The following SMOC1 variants were observed in gnomAD, a reference collection of about 807,000 sequenced individuals.
The protein encoded by SMOC1 is SPARC related modular calcium binding 1.
In SMOC1, 22 loss-of-function variants were observed where a neutral mutation model predicts 56.3. That is an observed-to-expected ratio of 0.39 (90% CI 0.28 to 0.56). The LOEUF is 0.56. Ranked by LOEUF, SMOC1 falls within the 20% of genes least tolerant of loss-of-function variation. SMOC1 has a pLI of 0.61. For synonymous variants in SMOC1, 193 were observed against 215.0 expected (o/e 0.90, Z 0.89); for missense variants, 509 against 565.4 (o/e 0.90, Z 1.01).
At chr14:69,975,870 G>C (rs1030347829) in intron 4 of SMOC1, 56 bp downstream of exon 4, 1 of 1,268,610 alleles carries the variant, frequency 7.9e-7, no homozygotes, top group Non-Finnish European at 1.1e-6. Flanking sequence ...CCCGTTGGTT[G>C]GTCTCCTGCA....
intron 3 of SMOC1, among the ~76,000 whole-genome samples, chr14:69,970,261 A>G (rs908883624): frequency 2.0e-5 from 3 of 152,212 alleles, no homozygotes; most frequent in African/African-American, 7.2e-5. Context: ...AAAGAGACTC[A>G]GTCGCTTCCT....
rs564393107 is a variant in SMOC1 at position 69,973,630 on chromosome 14, G to A, written c.379-2085G>A. On this transcript the variant is annotated intron_variant, in intron 3 of 11. Coordinates refer to ENST00000361956, the MANE Select transcript of SMOC1 (RefSeq NM_001034852.3). ...GCAGGGTCTCAGATGCAGGAGCTGC[G>A]GGAAATGCCTCATTTAGACAGCATG... Among the ~76,000 whole-genome samples the A allele has an allele frequency of 1.9e-3, 282 of 152,302 alleles. 2 individuals are homozygous for A. The highest frequency in any genetic ancestry group is 6.5e-3 in the African/African-American group (272 of 41,564).
At chr14:69,897,956 T>G in intron 1 of SMOC1, among the ~76,000 whole-genome samples, 1 of 152,210 alleles carries the variant, frequency 6.6e-6, no homozygotes, top group East Asian at 1.9e-4. Flanking sequence ...TTAACATTTC[T>G]TACAAGGCAG....
chr14:69,890,219 A>T (rs1883923817), intron 1 of SMOC1, among the ~76,000 whole-genome samples: 1 of 152,212 alleles, frequency 6.6e-6, no homozygotes, highest in South Asian at 2.1e-4. Context: ...AATTTTCTTT[A>T]TAGACTCCAT....
intron 1 of SMOC1, among the ~76,000 whole-genome samples, chr14:69,943,730 G>C (rs1882668452): frequency 6.6e-6 from 1 of 152,170 alleles, no homozygotes; most frequent in Non-Finnish European, 1.5e-5. Context: ...TAGTACTTGA[G>C]TTCTAAAAAC....
chr14:69,881,846 C>T (rs539564161), intron 1 of SMOC1, among the ~76,000 whole-genome samples: 58 of 152,234 alleles, frequency 3.8e-4, no homozygotes, highest in African/African-American at 1.4e-3. Flanking sequence ...CGAACGAGAA[C>T]AAGAAGTTGG....
intron 7 of SMOC1, among the ~76,000 whole-genome samples, chr14:70,010,268 G>A (rs1016302643): frequency 2.0e-5 from 3 of 152,200 alleles, no homozygotes; most frequent in Non-Finnish European, 4.4e-5. Context: ...CTCCACATGA[G>A]GCTGATGGCC....
intron 1 of SMOC1, among the ~76,000 whole-genome samples, chr14:69,918,161 A>G (rs996817433): frequency 6.6e-6 from 1 of 152,176 alleles, no homozygotes; most frequent in Non-Finnish European, 1.5e-5. Flanking sequence ...TTTCAAGTAT[A>G]CAAGACATTA....
chr14:69,925,696 C>G (rs1208118132), intron 1 of SMOC1, among the ~76,000 whole-genome samples: 1 of 152,190 alleles, frequency 6.6e-6, no homozygotes, highest in East Asian at 1.9e-4. Flanking sequence ...GGCTGAAAGA[C>G]TGAACACTGG....
intron 7 of SMOC1, among the ~76,000 whole-genome samples, chr14:70,002,299 G>C (rs528522861): frequency 6.6e-6 from 1 of 152,290 alleles, no homozygotes; most frequent in South Asian, 2.1e-4. Flanking sequence ...AAAGGGGATG[G>C]AAAAACCCAT....
At chr14:69,906,473 T>A (rs1594795610) in intron 1 of SMOC1, among the ~76,000 whole-genome samples, 1 of 152,192 alleles carries the variant, frequency 6.6e-6, no homozygotes, top group South Asian at 2.1e-4. Context: ...TATCAGCAGA[T>A]GATTCCTGCC....
At chr14:69,905,160 T>A (rs1884373546) in intron 1 of SMOC1, among the ~76,000 whole-genome samples, 1 of 152,014 alleles carries the variant, frequency 6.6e-6, no homozygotes, top group African/African-American at 2.4e-5. Context: ...TGGGAAGAGG[T>A]GCTATGGCAA....
At chr14:69,908,580 C>T (rs1884474097) in intron 1 of SMOC1, among the ~76,000 whole-genome samples, 2 of 152,130 alleles carry the variant, frequency 1.3e-5, no homozygotes, top group African/African-American at 2.4e-5. Flanking sequence ...ACAGTAGACC[C>T]CTGGGAATCT....
rs552312245 is a variant in SMOC1, at chr14:70,018,136, G to A, written c.1046+4645G>A. On this transcript the variant is annotated intron_variant, in intron 10 of 11. Coordinates refer to ENST00000361956, the MANE Select transcript of SMOC1 (RefSeq NM_001034852.3). Reference sequence around the variant, plus strand: ...TGGGAGTCAAGATGCAGGGCAGAAGGGAGCTGCAGGGTTAGGTGGGCATTT... The same window carrying A: ...TGGGAGTCAAGATGCAGGGCAGAAGAGAGCTGCAGGGTTAGGTGGGCATTT... Among the ~76,000 whole-genome samples, 51 of 152,244 alleles carry A rather than the reference G, an allele frequency of 3.3e-4. No individual in the cohort carries two copies. In the East Asian group the frequency reaches 9.5e-3, roughly 28 times the overall value.
At chr14:70,007,192 A>G (rs1169225663) in intron 7 of SMOC1, among the ~76,000 whole-genome samples, 4 of 152,224 alleles carry the variant, frequency 2.6e-5, no homozygotes, top group East Asian at 1.9e-4. Flanking sequence ...TGATCATCCA[A>G]TTTCTCAACC....
chr14:70,012,364 G>T (rs1434783081), intron 9 of SMOC1, among the ~76,000 whole-genome samples: 2 of 152,204 alleles, frequency 1.3e-5, no homozygotes, highest in Non-Finnish European at 2.9e-5. Flanking sequence ...CCAGGCACTG[G>T]GTATAATCTA....
At chr14:70,003,670 GT>G (rs1366542502) in intron 7 of SMOC1, among the ~76,000 whole-genome samples, 1 of 152,176 alleles carries the variant, frequency 6.6e-6, no homozygotes, top group Non-Finnish European at 1.5e-5. Flanking sequence ...CAGAGCCCTA[GT>G]TTCCAGGAAC....
intron 1 of SMOC1, among the ~76,000 whole-genome samples, chr14:69,914,865 T>TTCATTC (rs1884643614): frequency 4.7e-5 from 7 of 149,302 alleles, no homozygotes; most frequent in Non-Finnish European, 1.0e-4. Context: ...TAATTTATTT[T>TTCATTC]ATTCATTCAT....
intron 1 of SMOC1, chr14:69,885,419 A>G (rs1883773235): frequency 1.2e-6 from 2 of 1,601,150 alleles, no homozygotes; most frequent in Non-Finnish European, 1.7e-6. Context: ...AGGACCCAGG[A>G]CATTGCCACC....
Sources: allele counts gnomAD v4.1 joint callset (sites outside exome capture counted in the v4.1 genomes callset), GRCh38; gene constraint gnomAD v4.1.1; transcripts MANE v1.5; gene names NCBI Gene and HGNC (gene_info 2026-07-23, HGNC 2026-07-21).